The following MYOF variants were observed in gnomAD, a reference collection of about 807,000 sequenced individuals.
The protein encoded by MYOF is fer-1-like 3, myoferlin.
Under a neutral mutation model 284.2 loss-of-function variants are expected in MYOF, and 244 were observed. That is an observed-to-expected ratio of 0.86 (90% CI 0.77 to 0.95). MYOF has a LOEUF of 0.95. Ranked by LOEUF, MYOF falls within the 40% of genes least tolerant of loss-of-function variation. The pLI is 0.00. For missense variants in MYOF, 2,496 were observed against 2,560.6 expected (o/e 0.97, Z 0.54); for synonymous variants, 904 against 919.7 (o/e 0.98, Z 0.31).
At chr10:93,470,728 C>T (rs1332547761) in intron 1 of MYOF, among the ~76,000 whole-genome samples, 1 of 152,136 alleles carries the variant, frequency 6.6e-6, no homozygotes, top group Non-Finnish European at 1.5e-5. Context: ...TGAACGCTGG[C>T]CCCATTTACA....
intron 23 of MYOF, among the ~76,000 whole-genome samples, chr10:93,374,002 C>T (rs767314497): frequency 6.6e-6 from 1 of 152,106 alleles, no homozygotes; most frequent in African/African-American, 2.4e-5. Flanking sequence ...TAATGCTATC[C>T]CTCCCCCAGC....
At chr10:93,338,623 G>A (rs1203604765) in intron 39 of MYOF, among the ~76,000 whole-genome samples, 1 of 152,200 alleles carries the variant, frequency 6.6e-6, no homozygotes. Flanking sequence ...AAGGCAGGAG[G>A]CATCATGGTT....
At chr10:93,441,616 T>G (rs2056258901) in intron 3 of MYOF, among the ~76,000 whole-genome samples, 1 of 146,628 alleles carries the variant, frequency 6.8e-6, no homozygotes, top group Non-Finnish European at 1.5e-5. Context: ...CAGGCCGGAG[T>G]GCAATGGCAC....
In MYOF at chr10:93,441,724, C is replaced by T. The variant is rs201780312; in HGVS notation, c.237-10208G>A. Among the ~76,000 whole-genome samples the T allele has an allele frequency of 4.6e-5, 7 of 152,002 alleles. No individual in the cohort carries two copies. In the East Asian group the frequency reaches 1.4e-3, roughly 29 times the overall value. On this transcript the variant is annotated intron_variant, in intron 3 of 53. Coordinates refer to ENST00000359263, the MANE Select transcript of MYOF (RefSeq NM_013451.4). The stretch of plus-strand genomic sequence containing the variant: ...GATTACAGGCGCTTGCCACCACACG[C>T]AGCTAATATTTGTATTTTTAGTAGA...
Position 93,359,858 on chromosome 10 carries a change from G to T in MYOF, c.3095C>A (p.Thr1032Lys). ...CCTTGCGGTGCTTGAAGCAGTCTGT[G>T]TTAAATCTTTCTTGCGTTTTCGGAC... Reference protein sequence around the residue: ...RLVRKRKKDLTQTASSTARAM... With the variant: ...RLVRKRKKDLKQTASSTARAM... Residue 1032 changes from threonine to lysine, a missense_variant, in exon 29 of 54, where the codon ACA (threonine) becomes AAA (lysine). Around this residue, in one of 3 missense-constraint regions of MYOF, gnomAD observed 2,436 missense variants for 2,480.7 expected, o/e 0.98. Coordinates refer to ENST00000359263, the MANE Select transcript of MYOF (RefSeq NM_013451.4). The T allele has an allele frequency of 2.5e-6, 4 of 1,614,202 alleles. No individual in the cohort carries two copies. The highest frequency in any genetic ancestry group is 3.4e-6 in the Non-Finnish European group (4 of 1,180,030).
At chr10:93,435,733 G>A (rs527325203) in intron 3 of MYOF, among the ~76,000 whole-genome samples, 1 of 152,150 alleles carries the variant, frequency 6.6e-6, no homozygotes, top group East Asian at 1.9e-4. Context: ...AGCTGAGGTA[G>A]GAGGATCACT....
rs943447270 is a variant in MYOF, at chr10:93,372,938, A to C, written c.2449T>G (p.Phe817Val). The C allele has an allele frequency of 5.0e-6, 8 of 1,614,090 alleles. No individual in the cohort carries two copies. Among genetic ancestry groups the C allele is most frequent in the Non-Finnish European group, 6.8e-6 (8 of 1,180,038 alleles). The change falls in exon 24 of 54, where the codon TTT becomes GTT. Residue 817 changes from phenylalanine to valine, a missense_variant. Phe to Val is a conservative substitution (Grantham distance 50). This residue lies in a region of MYOF where 2,436 missense variants were observed against 2,480.7 expected (regional missense o/e 0.98). Transcript: ENST00000359263. Reference sequence around the variant, plus strand: ...ACAGTGAAGATATGTACCTTCAGAAAGATGGTTTGGGTTTTCCCACAGTAT... The same window carrying C: ...ACAGTGAAGATATGTACCTTCAGAACGATGGTTTGGGTTTTCCCACAGTAT... ...GKYCGKTQTIFLKYPQEKNNG... is the reference protein window; with the variant it reads ...GKYCGKTQTIVLKYPQEKNNG...
At chr10:93,428,341 C>T (rs1848687877) in intron 4 of MYOF, among the ~76,000 whole-genome samples, 1 of 150,326 alleles carries the variant, frequency 6.7e-6, no homozygotes, top group Admixed American at 6.7e-5. Context: ...GCTGGGATTA[C>T]AAGCACGTGC....
chr10:93,385,524 T>C (rs1846322023), intron 19 of MYOF, among the ~76,000 whole-genome samples: 1 of 152,172 alleles, frequency 6.6e-6, no homozygotes. Context: ...CATGAGCATG[T>C]TTGTAGGTTG....
intron 1 of MYOF, among the ~76,000 whole-genome samples, chr10:93,468,764 C>T (rs914650539): frequency 6.6e-6 from 1 of 152,194 alleles, no homozygotes; most frequent in Non-Finnish European, 1.5e-5. Flanking sequence ...CACCTCTGGG[C>T]GCTTTAGCAA....
At chr10:93,478,837 A>AG (rs60138667) in intron 1 of MYOF, among the ~76,000 whole-genome samples, 26,293 of 78,944 alleles carry the variant, frequency 0.33, 5,245 homozygotes, top group Non-Finnish European at 0.42. Context: ...AAAAAAAAAA[A>AG]AAAAAAGAAA....
chr10:93,401,671 A>C (rs1847299362), intron 11 of MYOF, 127 bp from the exon 12 acceptor site: 1 of 1,276,548 alleles, frequency 7.8e-7, no homozygotes, highest in African/African-American at 1.5e-5. Context: ...TTGGGGCTTA[A>C]GAGTTCAGCC....
intron 1 of MYOF, among the ~76,000 whole-genome samples, chr10:93,467,473 A>G (rs2057037380): frequency 6.6e-6 from 1 of 152,084 alleles, no homozygotes; most frequent in Non-Finnish European, 1.5e-5. Flanking sequence ...GTCAGGAAAC[A>G]ACAGGTGCTG....
chr10:93,462,513 C>T (rs1315892315), intron 1 of MYOF, among the ~76,000 whole-genome samples: 1 of 152,108 alleles, frequency 6.6e-6, no homozygotes, highest in Non-Finnish European at 1.5e-5. Flanking sequence ...AGGGCTAGGA[C>T]GAAGCCCTCT....
chr10:93,340,239 C>T, intron 38 of MYOF, 75 bp from the exon 39 acceptor site: 1 of 1,528,136 alleles, frequency 6.5e-7, no homozygotes, highest in Non-Finnish European at 9.0e-7. Context: ...ACCCCAGGAA[C>T]ATGAAGTTTA....
chr10:93,417,023 C>G (rs929177071), intron 5 of MYOF, among the ~76,000 whole-genome samples: 3 of 152,182 alleles, frequency 2.0e-5, no homozygotes, highest in African/African-American at 7.2e-5. Context: ...AGTGACATGC[C>G]TACTGTCACA....
At chr10:93,407,056 G>T (rs1361153749) in intron 7 of MYOF, among the ~76,000 whole-genome samples, 1 of 152,074 alleles carries the variant, frequency 6.6e-6, no homozygotes, top group African/African-American at 2.4e-5. Context: ...GAGTTTTGTG[G>T]CATTTGAGAT....
rs2134424607 is a variant in MYOF at position 93,481,336 on chromosome 10, C to T, written c.88+771G>A. Reference sequence around the variant, plus strand: ...CTGCCTTGGCCTCCCAAAGTTGGCTCAGGGTTGAGGAGCCACTGTGCTCAG... The same window carrying T: ...CTGCCTTGGCCTCCCAAAGTTGGCTTAGGGTTGAGGAGCCACTGTGCTCAG... On this transcript the variant is annotated intron_variant, in intron 1 of 53. Coordinates refer to ENST00000359263, the MANE Select transcript of MYOF (RefSeq NM_013451.4). 1.3e-5 allele frequency among the ~76,000 whole-genome samples: 2 copies of T among 152,230 alleles called. 1 individual carries two copies. The highest frequency in any genetic ancestry group is 4.2e-4 in the South Asian group (2 of 4,814).
intron 39 of MYOF, among the ~76,000 whole-genome samples, chr10:93,339,734 G>A (rs1183326527): frequency 1.3e-5 from 2 of 152,048 alleles, no homozygotes; most frequent in African/African-American, 4.8e-5. Flanking sequence ...CTCCCAAAGT[G>A]CTGGGATTAT....
Sources: allele counts gnomAD v4.1 joint callset (sites outside exome capture counted in the v4.1 genomes callset), GRCh38; gene constraint gnomAD v4.1.1; regional missense constraint gnomAD v4.1.1; transcripts MANE v1.5; gene names NCBI Gene and HGNC (gene_info 2026-07-23, HGNC 2026-07-21).